TMTC3: variants seen among roughly 807,000 people sequenced by gnomAD.
The protein encoded by TMTC3 is protein O-mannosyl-transferase TMTC3.
TMTC3 carries 52 observed loss-of-function variants against 92.2 expected under a neutral mutation model. The ratio of observed to expected loss-of-function variants is 0.56; its 90% CI spans 0.45 to 0.71. TMTC3 has a LOEUF of 0.71. TMTC3 is among the 30% of genes least tolerant of loss of function. The pLI, the probability that TMTC3 is intolerant of heterozygous loss-of-function variation, is 0.00. For missense variants in TMTC3, 896 were observed against 1,057.1 expected, an observed-to-expected ratio of 0.85 and a Z score of 2.11; for synonymous variants, 339 against 363.3, an observed-to-expected ratio of 0.93 and a Z score of 0.76.
chr12:88,169,456 C>T (rs1020695134), intron 7 of TMTC3, among the ~76,000 whole-genome samples: 1 of 152,028 alleles, frequency 6.6e-6, no homozygotes, highest in African/African-American at 2.4e-5. Flanking sequence ...TGGCCTTAAG[C>T]ATAACTCTAT....
chr12:88,160,068 TA>T, intron 4 of TMTC3, 45 bp from the exon 5 acceptor site: 1 of 1,294,314 alleles, frequency 7.7e-7, no homozygotes, highest in Non-Finnish European at 1.1e-6. Context: ...TTTGATATTA[TA>T]AAATTGTTTT....
Position 88,196,390 on chromosome 12 carries a change from CATA to C in TMTC3, c.*744_*746del, listed in dbSNP as rs1174487825. On this transcript the variant is annotated 3_prime_UTR_variant, in exon 14 of 14. Coordinates refer to ENST00000266712, the MANE Select transcript of TMTC3 (RefSeq NM_181783.4). ...ATTGAGAGTGTCACAACATGAATCACATAATCATGATTTTTTTTTTTTACTTTT... is the reference window on the plus strand; with the variant it reads ...ATTGAGAGTGTCACAACATGAATCACATCATGATTTTTTTTTTTTACTTTT... 4 of 152,118 alleles carry C rather than the reference CATA, an allele frequency of 2.6e-5. No individual in the cohort carries two copies. The highest frequency in any genetic ancestry group is 9.7e-5 in the African/African-American group (4 of 41,370). 9.4% of individuals were successfully genotyped at this position (152,118 alleles called of 1,614,324 possible). A position where few individuals can be genotyped will look rare whatever the true frequency, so the allele number is the denominator to read the frequency against.
chr12:88,176,352 T>C (rs1337087448), intron 10 of TMTC3, 33 bp downstream of exon 10: 2 of 1,493,440 alleles, frequency 1.3e-6, no homozygotes, highest in South Asian at 1.2e-5. Context: ...ATCATGAATT[T>C]TATTTTTTAA....
At chr12:88,153,593 G>GAA in intron 3 of TMTC3, 84 bp downstream of exon 3, 21 of 555,996 alleles carry the variant, frequency 3.8e-5, no homozygotes, top group South Asian at 7.5e-5. Context: ...ATATTTTTAA[G>GAA]AAAAAAAAAA....
At chr12:88,166,199 A>G in intron 6 of TMTC3, 131 bp from the exon 7 acceptor site, 1 of 894,772 alleles carries the variant, frequency 1.1e-6, no homozygotes, top group Non-Finnish European at 1.7e-6. Context: ...TGAGGTACAC[A>G]TAACATTTGT....
At chr12:88,167,947 T>C (rs1460190039) in intron 7 of TMTC3, among the ~76,000 whole-genome samples, 1 of 152,206 alleles carries the variant, frequency 6.6e-6, no homozygotes, top group Non-Finnish European at 1.5e-5. Context: ...CTGTCAAAGA[T>C]GGTAGCTGTT....
At chr12:88,145,338 G>C (rs1278104758) in intron 1 of TMTC3, among the ~76,000 whole-genome samples, 1 of 152,098 alleles carries the variant, frequency 6.6e-6, no homozygotes, top group Non-Finnish European at 1.5e-5. Flanking sequence ...TCTGCTTGCT[G>C]CACACTCATT....
intron 11 of TMTC3, 95 bp downstream of exon 11, chr12:88,189,041 T>G: frequency 1.4e-6 from 1 of 721,174 alleles, no homozygotes. Context: ...TTTCTTCAGT[T>G]AGTTGATATA....
In TMTC3 at chr12:88,192,642, C is replaced by G. The variant is rs2041457306; in HGVS notation, c.1745C>G (p.Ala582Gly). 1 of 1,610,704 alleles carries G rather than the reference C, an allele frequency of 6.2e-7. No homozygotes were observed. Residue 582 changes from alanine to glycine, a missense_variant, in exon 13 of 14, where the codon GCA (alanine) becomes GGA (glycine). Ala to Gly is a moderately conservative substitution (Grantham distance 60). Transcript: ENST00000266712. Reference protein sequence around the residue: ...LLLKMNKPLKAKEAYLKALEL... With the variant: ...LLLKMNKPLKGKEAYLKALEL... ...TTAAAAATGAATAAACCTCTTAAAG[C>G]AAAGGAAGCATATCTTAAAGCACTA...
rs1419875575 is a variant in TMTC3 at position 88,174,600 on chromosome 12, T to TAA, written c.1200-5_1200-4dup. 32 of 1,603,044 alleles carry TAA rather than the reference T, an allele frequency of 2.0e-5. No individual in the cohort carries two copies. The highest frequency in any genetic ancestry group is 2.5e-5 in the Non-Finnish European group (30 of 1,176,728). ...TTTTTTTGTTTTGCTTTTTTTCTCT[T>TAA]AAACAGTGTATTTAAAAAGCTATCC... On this transcript the variant is annotated splice_region_variant and splice_polypyrimidine_tract_variant and intron_variant, in intron 8 of 13. Coordinates refer to ENST00000266712, the MANE Select transcript of TMTC3 (RefSeq NM_181783.4).
At chr12:88,158,091 A>C (rs2041031693) in intron 4 of TMTC3, among the ~76,000 whole-genome samples, 2 of 152,176 alleles carry the variant, frequency 1.3e-5, no homozygotes, top group Admixed American at 6.5e-5. Context: ...TCCTCATCTT[A>C]AAAATGGGTA....
chr12:88,145,829 T>C (rs1477703312), intron 1 of TMTC3, among the ~76,000 whole-genome samples: 3 of 152,208 alleles, frequency 2.0e-5, no homozygotes, highest in Admixed American at 2.0e-4. Context: ...GAGAGCAGTT[T>C]CTTGCATGAC....
intron 8 of TMTC3, 72 bp from the exon 9 acceptor site, chr12:88,174,535 C>T (rs918120398): frequency 2.0e-6 from 3 of 1,500,314 alleles, no homozygotes; most frequent in African/African-American, 1.4e-5. Context: ...CTTCTTACCT[C>T]TGTTCTAAAA....
chr12:88,160,167 A>G lies in TMTC3; in HGVS notation c.562A>G (p.Lys188Glu). ...TTTAGTGGCTGTTGCAACATTATGT[A>G]AAGAACAAGGAATAACAGTTGTAGG... The part of the protein sequence containing the change: ...VFLVAVATLC[K>E]EQGITVVGIC... The change falls in exon 5 of 14, where the codon AAA becomes GAA. Residue 188 changes from lysine (K) to glutamate (E), a missense_variant. Transcript: ENST00000266712. 1 of 1,592,690 alleles carries G rather than the reference A, an allele frequency of 6.3e-7. No individual in the cohort carries two copies. The highest frequency in any genetic ancestry group is 1.2e-5 in the South Asian group (1 of 86,498).
chr12:88,156,696 T>TA (rs11398219), intron 4 of TMTC3, among the ~76,000 whole-genome samples: 130,140 of 148,752 alleles, frequency 0.87, 57,817 homozygotes, highest in East Asian at 0.99. Context: ...AAACAAAAGT[T>TA]AAAAAAAAAA....
At position 88,188,911 on chromosome 12, in the gene TMTC3, G is replaced by A. The variant is rs368224038; in HGVS notation, c.1501G>A (p.Glu501Lys). 50 of 1,602,046 alleles carry A rather than the reference G, an allele frequency of 3.1e-5. No homozygotes were observed. Among genetic ancestry groups the A allele is most frequent in the Middle Eastern group, 1.7e-4 (1 of 5,970 alleles). ...KNLNRTKEAE[E>K]SYMMAKSLMP... Reference sequence around the variant, plus strand: ...TTTAAATAGAACCAAAGAAGCTGAAGAATCTTACATGATGGCTAAATCACT... The same window carrying A: ...TTTAAATAGAACCAAAGAAGCTGAAAAATCTTACATGATGGCTAAATCACT... The change falls in exon 11 of 14, where the codon GAA becomes AAA. Residue 501 changes from glutamate to lysine, a missense_variant. Glu to Lys is a moderately conservative substitution (Grantham distance 56). Transcript: ENST00000266712.
chr12:88,197,688 T>G lies in TMTC3; in HGVS notation c.*2039T>G, dbSNP rs1340486578. Reference sequence around the variant, plus strand: ...TAAAAAATTACCTTATTATTAGAACTGTGCCTATTACATAAAAAGTGCTCA... The same window carrying G: ...TAAAAAATTACCTTATTATTAGAACGGTGCCTATTACATAAAAAGTGCTCA... On this transcript the variant is annotated 3_prime_UTR_variant, in exon 14 of 14. Transcript: ENST00000266712. 6.6e-6 allele frequency: 1 copy of G among 152,042 alleles called. No homozygotes were observed. Among genetic ancestry groups the G allele is most frequent in the East Asian group, 1.9e-4 (1 of 5,202 alleles). 9.4% of individuals were successfully genotyped at this position (152,042 alleles called of 1,614,324 possible).
chr12:88,190,380 C>A (rs990409848), intron 11 of TMTC3, 73 bp from the exon 12 acceptor site: 9 of 1,354,442 alleles, frequency 6.6e-6, no homozygotes, highest in East Asian at 2.3e-5. Flanking sequence ...TTTGAATTAG[C>A]CAATAGGAAT....
intron 6 of TMTC3, among the ~76,000 whole-genome samples, chr12:88,161,385 G>A (rs1379713583): frequency 6.6e-6 from 1 of 152,122 alleles, no homozygotes; most frequent in Middle Eastern, 3.4e-3. Context: ...GCTGTCTTTC[G>A]TTAGTGTTAG....
Sources: allele counts gnomAD v4.1 joint callset (sites outside exome capture counted in the v4.1 genomes callset), GRCh38; gene constraint gnomAD v4.1.1; transcripts MANE v1.5; gene names NCBI Gene and HGNC (gene_info 2026-07-23, HGNC 2026-07-21).